ANO3: variants seen among roughly 807,000 people sequenced by gnomAD.
The protein encoded by ANO3 is anoctamin-3.
In ANO3, 99 loss-of-function variants were observed where a neutral mutation model predicts 144.8. That is an observed-to-expected ratio of 0.68 (90% CI 0.58 to 0.81). The LOEUF is 0.81. Ranked by LOEUF, ANO3 falls within the 30% of genes least tolerant of loss-of-function variation. The pLI is 0.00. For synonymous variants in ANO3, 414 were observed against 392.6 expected, an observed-to-expected ratio of 1.05 and a Z score of -0.64; for missense variants, 905 against 1,202.2, an observed-to-expected ratio of 0.75 and a Z score of 3.66.
intron 17 of ANO3, among the ~76,000 whole-genome samples, chr11:26,601,730 A>C (rs1851804995): frequency 6.6e-6 from 1 of 152,224 alleles, no homozygotes; most frequent in Non-Finnish European, 1.5e-5. Flanking sequence ...AATCAGTACA[A>C]ACTATGACAG....
At chr11:26,628,921 G>A (rs1590652153) in intron 18 of ANO3, among the ~76,000 whole-genome samples, 1 of 152,048 alleles carries the variant, frequency 6.6e-6, no homozygotes, top group Admixed American at 6.6e-5. Flanking sequence ...AGTATGATAG[G>A]ACATCTTACA....
chr11:26,249,411 C>T (rs1369752687), intron 1 of ANO3, among the ~76,000 whole-genome samples: 3 of 152,118 alleles, frequency 2.0e-5, no homozygotes, highest in Non-Finnish European at 2.9e-5. Flanking sequence ...TATTTTAATT[C>T]CCGTTTGCTA....
chr11:26,413,839 T>C (rs1192402283), intron 1 of ANO3, among the ~76,000 whole-genome samples: 2 of 152,088 alleles, frequency 1.3e-5, no homozygotes, highest in Non-Finnish European at 2.9e-5. Context: ...TATAACCTCC[T>C]TGCATTTATT....
At chr11:26,578,823 G>A (rs1374202014) in intron 14 of ANO3, among the ~76,000 whole-genome samples, 1 of 152,144 alleles carries the variant, frequency 6.6e-6, no homozygotes, top group Non-Finnish European at 1.5e-5. Context: ...TTTCTTTCCA[G>A]CACTCAAGTG....
At chr11:26,210,778 CTGTT>C (rs71047839) in intron 1 of ANO3, among the ~76,000 whole-genome samples, 45,674 of 151,648 alleles carry the variant, frequency 0.3, 7,547 homozygotes, top group Non-Finnish European at 0.37. Flanking sequence ...ATTTGGTTCT[CTGTT>C]TGTCTATTAT....
At chr11:26,599,394 A>T (rs1295529076) in intron 16 of ANO3, among the ~76,000 whole-genome samples, 156 bp from the exon 17 acceptor site, 1 of 152,246 alleles carries the variant, frequency 6.6e-6, no homozygotes, top group Non-Finnish European at 1.5e-5. Context: ...TGACTAGAAT[A>T]TAACTTCCTT....
chr11:26,567,549 G>A (rs866041111), intron 14 of ANO3, among the ~76,000 whole-genome samples: 9 of 152,016 alleles, frequency 5.9e-5, no homozygotes, highest in Middle Eastern at 6.8e-3. Flanking sequence ...GTGGTACAAC[G>A]TAAATATATC....
At chr11:26,622,468 T>C (rs1463790080) in intron 17 of ANO3, among the ~76,000 whole-genome samples, 1 of 149,744 alleles carries the variant, frequency 6.7e-6, no homozygotes, top group African/African-American at 2.5e-5. Flanking sequence ...CCAGGCATCA[T>C]AGTGGTGTGT....
chr11:26,455,691 A>G (rs1859125452), intron 3 of ANO3, among the ~76,000 whole-genome samples: 1 of 150,474 alleles, frequency 6.6e-6, no homozygotes, highest in East Asian at 2.1e-4. Flanking sequence ...CAAGCTACCA[A>G]TGACTTTCTT....
chr11:26,524,092 A>G (rs1849097418), intron 6 of ANO3, among the ~76,000 whole-genome samples: 2 of 152,236 alleles, frequency 1.3e-5, no homozygotes, highest in South Asian at 2.1e-4. Flanking sequence ...ACAAAGGCTC[A>G]TTCATTTATT....
chr11:26,565,334 T>C (rs1590547838), intron 14 of ANO3: 16 of 1,611,628 alleles, frequency 9.9e-6, no homozygotes, highest in African/African-American at 1.3e-5. Context: ...ATGGAGAAGT[T>C]GGTTCTGAAG....
At chr11:26,292,602 G>T (rs1471816987) in intron 1 of ANO3, among the ~76,000 whole-genome samples, 1 of 152,128 alleles carries the variant, frequency 6.6e-6, no homozygotes, top group Non-Finnish European at 1.5e-5. Flanking sequence ...GTTTTGGTGT[G>T]GGTGTCCTTT....
chr11:26,271,906 G>A (rs933783250), intron 1 of ANO3, among the ~76,000 whole-genome samples: 37 of 151,940 alleles, frequency 2.4e-4, no homozygotes, highest in Non-Finnish European at 3.4e-4. Flanking sequence ...CAAGGTGCTG[G>A]ATAAATGAAT....
intron 6 of ANO3, among the ~76,000 whole-genome samples, chr11:26,524,188 G>A (rs775653468): frequency 1.3e-5 from 2 of 152,054 alleles, no homozygotes; most frequent in Non-Finnish European, 2.9e-5. Flanking sequence ...GAAAAGATGA[G>A]TTTACAGTCC....
chr11:26,524,202 A>G (rs916050147), intron 6 of ANO3, among the ~76,000 whole-genome samples: 23 of 152,210 alleles, frequency 1.5e-4, no homozygotes, highest in African/African-American at 5.1e-4. Flanking sequence ...ACAGTCCAGT[A>G]AGAATTGAGT....
chr11:26,269,652 T>C (rs1853398188), intron 1 of ANO3, among the ~76,000 whole-genome samples: 1 of 152,178 alleles, frequency 6.6e-6, no homozygotes, highest in Non-Finnish European at 1.5e-5. Flanking sequence ...GTGCTCTGGC[T>C]CTCTCAGTCA....
intron 1 of ANO3, among the ~76,000 whole-genome samples, chr11:26,248,899 A>G (rs1350594094): frequency 6.6e-6 from 1 of 152,094 alleles, no homozygotes; most frequent in Non-Finnish European, 1.5e-5. Context: ...TTCAAATAGG[A>G]ATTCGAACCC....
intron 12 of ANO3, among the ~76,000 whole-genome samples, chr11:26,548,480 C>T (rs2663171): frequency 0.66 from 100,126 of 151,768 alleles, 33,313 homozygotes; most frequent in East Asian, 0.83. Context: ...TTAACCATGG[C>T]CTTGCTACTG....
At chr11:26,390,385 T>C (rs1311653424) in intron 1 of ANO3, among the ~76,000 whole-genome samples, 1 of 152,088 alleles carries the variant, frequency 6.6e-6, no homozygotes, top group African/African-American at 2.4e-5. Context: ...CAAGTACCTG[T>C]GCCCTTCTTC....
Sources: gnomAD v4.1 joint callset for allele counts (sites outside exome capture counted in the v4.1 genomes callset) on GRCh38, gnomAD v4.1.1 for gene constraint, MANE v1.5 for transcripts, NCBI Gene and HGNC (gene_info 2026-07-23, HGNC 2026-07-21) for gene names.